PDE4D: variants seen among roughly 807,000 people sequenced by gnomAD.
PDE4D encodes the protein phosphodiesterase 4D.
PDE4D carries 24 observed loss-of-function variants against 87.4 expected under a neutral mutation model. That is an observed-to-expected ratio of 0.27 (90% CI 0.20 to 0.39). PDE4D has a LOEUF of 0.39. Ranked by LOEUF, PDE4D falls within the 10% of genes least tolerant of loss-of-function variation. The pLI is 1.00. For synonymous variants in PDE4D, 384 were observed against 383.2 expected (o/e 1.00, Z -0.02); for missense variants, 714 against 1,041.0 (o/e 0.69, Z 4.32).
At chr5:60,244,184 A>T (rs911299281) in intron 1 of PDE4D, among the ~76,000 whole-genome samples, 9 of 152,002 alleles carry the variant, frequency 5.9e-5, no homozygotes, top group Non-Finnish European at 1.3e-4. Flanking sequence ...AAAGAAATCA[A>T]GAAAGTAGTA....
At chr5:60,343,536 C>G (rs1003015307) in intron 1 of PDE4D, among the ~76,000 whole-genome samples, 2 of 152,186 alleles carry the variant, frequency 1.3e-5, no homozygotes, top group East Asian at 1.9e-4. Flanking sequence ...AGGCATAATA[C>G]CTCTGAGGTA....
At chr5:59,879,322 C>G (rs1029871173) in intron 1 of PDE4D, among the ~76,000 whole-genome samples, 2 of 152,304 alleles carry the variant, frequency 1.3e-5, no homozygotes, top group Non-Finnish European at 2.9e-5. Context: ...CTTATTTCCT[C>G]TTCTTGCTTT....
At chr5:59,220,197 T>C (rs1416523485) in intron 1 of PDE4D, among the ~76,000 whole-genome samples, 1 of 151,160 alleles carries the variant, frequency 6.6e-6, no homozygotes, top group African/African-American at 2.4e-5. Context: ...ATAAACATGT[T>C]GCTTTTGCAA....
intron 1 of PDE4D, among the ~76,000 whole-genome samples, chr5:59,258,449 A>C (rs27670): frequency 0.2 from 30,906 of 151,898 alleles, 3,510 homozygotes; most frequent in Non-Finnish European, 0.26. Flanking sequence ...CTAGCACAGA[A>C]AGGAGATAAA....
intron 1 of PDE4D, among the ~76,000 whole-genome samples, chr5:60,375,913 C>T (rs1263336495): frequency 6.6e-6 from 1 of 152,096 alleles, no homozygotes; most frequent in Non-Finnish European, 1.5e-5. Context: ...GTGGTACGCG[C>T]CTGTAGTCCC....
At position 59,708,765 on chromosome 5, in the gene PDE4D, T is replaced by C. The variant is rs569347686; in HGVS notation, c.455+184403A>G. ...GCTATGTCAATTCATGATGATTAAT[T>C]TGAACATAAATTATTAATTTTGATA... On this transcript the variant is annotated intron_variant, in intron 1 of 14. Coordinates refer to ENST00000340635, the MANE Select transcript of PDE4D (RefSeq NM_001104631.2). Among the ~76,000 whole-genome samples, 17 of 152,276 alleles carry C rather than the reference T, an allele frequency of 1.1e-4. No individual in the cohort carries two copies. The South Asian group carries it at 3.5e-3, about 32-fold the overall frequency.
chr5:59,534,491 T>C (rs1036210974), intron 1 of PDE4D, among the ~76,000 whole-genome samples: 1 of 152,140 alleles, frequency 6.6e-6, no homozygotes. Flanking sequence ...AAGGGCAGGG[T>C]CCGAGATGAC....
At chr5:60,424,283 A>G (rs71502709) in intron 1 of PDE4D, among the ~76,000 whole-genome samples, 2 of 152,228 alleles carry the variant, frequency 1.3e-5, no homozygotes, top group Non-Finnish European at 2.9e-5. Context: ...AAAATCCTCA[A>G]TAAAATACTG....
chr5:59,113,340 T>G (rs1172388553), intron 5 of PDE4D, among the ~76,000 whole-genome samples: 2 of 152,232 alleles, frequency 1.3e-5, no homozygotes, highest in Non-Finnish European at 2.9e-5. Context: ...GAACCATAAC[T>G]CTGAAAATAC....
At chr5:60,164,710 T>G (rs1035512) in intron 2 of PDE4D, among the ~76,000 whole-genome samples, 151,461 of 152,290 alleles carry the variant, frequency 0.99, 75,333 homozygotes, top group Middle Eastern at 1. Context: ...TATTAATTAT[T>G]CTGGGATTCC....
intron 1 of PDE4D, among the ~76,000 whole-genome samples, chr5:59,691,576 G>C (rs1366162927): frequency 7.1e-6 from 1 of 141,792 alleles, no homozygotes; most frequent in East Asian, 2.3e-4. Flanking sequence ...GTCATGGAGT[G>C]GGGGGAGGGG....
intron 5 of PDE4D, among the ~76,000 whole-genome samples, chr5:59,074,800 C>A (rs1054942660): frequency 6.6e-6 from 1 of 152,048 alleles, no homozygotes; most frequent in African/African-American, 2.4e-5. Context: ...CTTAATTATA[C>A]AGATTGAAAA....
At chr5:59,754,359 G>A (rs746798707) in intron 1 of PDE4D, among the ~76,000 whole-genome samples, 3 of 152,160 alleles carry the variant, frequency 2.0e-5, no homozygotes, top group East Asian at 1.9e-4. Flanking sequence ...GTTTCTCAAC[G>A]TATGGCTTCC....
At chr5:59,981,469 C>CCATATAACATTCAAT (rs1761928405) in intron 3 of PDE4D, among the ~76,000 whole-genome samples, 1 of 152,084 alleles carries the variant, frequency 6.6e-6, no homozygotes, top group Non-Finnish European at 1.5e-5. Context: ...TATGCATCTT[C>CCATATAACATTCAAT]AAGATTATTG....
intron 2 of PDE4D, among the ~76,000 whole-genome samples, chr5:60,182,547 G>C (rs1784447928): frequency 6.6e-6 from 1 of 152,148 alleles, no homozygotes; most frequent in African/African-American, 2.4e-5. Flanking sequence ...CAGGAGAATG[G>C]CTTGAACTTG....
intron 3 of PDE4D, among the ~76,000 whole-genome samples, chr5:59,976,698 G>T (rs1450151610): frequency 2.0e-5 from 3 of 152,194 alleles, no homozygotes; most frequent in African/African-American, 7.2e-5. Flanking sequence ...TCACAATATT[G>T]TGCTTTTACC....
At chr5:59,433,976 T>C (rs1279687324) in intron 1 of PDE4D, among the ~76,000 whole-genome samples, 1 of 151,966 alleles carries the variant, frequency 6.6e-6, no homozygotes, top group Non-Finnish European at 1.5e-5. Flanking sequence ...TACCCTGGCC[T>C]ACGTTTAGCA....
chr5:59,734,372 C>G (rs979825809), intron 1 of PDE4D, among the ~76,000 whole-genome samples: 1 of 152,104 alleles, frequency 6.6e-6, no homozygotes, highest in African/African-American at 2.4e-5. Flanking sequence ...ACTCACACAA[C>G]TCTTCTATCT....
At chr5:59,598,668 G>A (rs1204717593) in intron 1 of PDE4D, among the ~76,000 whole-genome samples, 2 of 152,124 alleles carry the variant, frequency 1.3e-5, no homozygotes, top group African/African-American at 2.4e-5. Context: ...TTCATAGACT[G>A]CAGGTCTAGT....
Sources: allele counts gnomAD v4.1 joint callset (sites outside exome capture counted in the v4.1 genomes callset), GRCh38; gene constraint gnomAD v4.1.1; transcripts MANE v1.5; gene names NCBI Gene and HGNC (gene_info 2026-07-23, HGNC 2026-07-21).